The following VPS53 variants were observed in gnomAD, a reference collection of about 807,000 sequenced individuals.
VPS53 encodes the protein vacuolar protein sorting-associated protein 53 homolog.
VPS53 carries 70 observed loss-of-function variants against 107.0 expected under a neutral mutation model. The observed-to-expected ratio is 0.65, with a 90% CI of 0.54 to 0.80. The LOEUF (loss-of-function observed/expected upper bound fraction) is 0.80, where lower values mean the gene tolerates loss of function less well. Among genes scored for constraint, VPS53 ranks in the 30% least tolerant of loss-of-function variants. The probability of loss-of-function intolerance (pLI) is 0.00; values close to 1 mark genes in which losing one functional copy is unlikely to be tolerated. For synonymous variants in VPS53, 409 were observed against 393.3 expected, an observed-to-expected ratio of 1.04 and a Z score of -0.47; for missense variants, 917 against 1,049.4, an observed-to-expected ratio of 0.87 and a Z score of 1.74.
intron 10 of VPS53, among the ~76,000 whole-genome samples, chr17:624,136 G>A (rs1242062020): frequency 1.3e-5 from 2 of 152,028 alleles, no homozygotes; most frequent in African/African-American, 2.4e-5. Context: ...GGGATTATAG[G>A]TGTGAGCCAC....
rs1350349817 is a variant in VPS53, at chr17:714,776, C to A, written c.-67G>T. The A allele has an allele frequency of 1.9e-6, 3 of 1,569,860 alleles. No individual in the cohort carries two copies. Among genetic ancestry groups the A allele is most frequent in the East Asian group, 2.2e-5 (1 of 44,630 alleles). On this transcript the variant is annotated 5_prime_UTR_variant, in exon 1 of 22. Coordinates refer to ENST00000437048, the MANE Select transcript of VPS53 (RefSeq NM_001128159.3). ...CTCAGGCCTCCAGCCGCCACCCAGG[C>A]CCCAGCACAGCAACTCCCTCGCGGC...
At chr17:560,036 A>G (rs1912787043) in intron 15 of VPS53, among the ~76,000 whole-genome samples, 1 of 152,228 alleles carries the variant, frequency 6.6e-6, no homozygotes, top group Non-Finnish European at 1.5e-5. Context: ...TTAACTTAGT[A>G]ACACTTCTGA....
chr17:603,298 T>G (rs1968409412), intron 11 of VPS53, among the ~76,000 whole-genome samples: 2 of 152,188 alleles, frequency 1.3e-5, no homozygotes, highest in East Asian at 3.8e-4. Context: ...GGTAGGCGCC[T>G]GTAATCCCAG....
chr17:612,958 CACAG>C (rs1279730193), intron 11 of VPS53, among the ~76,000 whole-genome samples: 1 of 149,262 alleles, frequency 6.7e-6, no homozygotes, highest in African/African-American at 2.5e-5. Context: ...AGTGAATTCA[CACAG>C]TGAAAACCTG....
chr17:586,965 A>G (rs1427967530), intron 12 of VPS53, among the ~76,000 whole-genome samples: 1 of 152,200 alleles, frequency 6.6e-6, no homozygotes, highest in East Asian at 1.9e-4. Flanking sequence ...AAGAAAATGT[A>G]AGAAAAAGAA....
At position 510,803 on chromosome 17, in the gene VPS53, C is replaced by G. The variant is rs1907899447; in HGVS notation, c.*8325G>C. On this transcript the variant is annotated 3_prime_UTR_variant, in exon 22 of 22. Coordinates refer to ENST00000437048, the MANE Select transcript of VPS53 (RefSeq NM_001128159.3). ...CAGCCAGGGCCCAGGGCTACCCCAA[C>G]TGACCTCCACTCCCCTCAGCACCCT... 1 of 152,872 alleles carries G rather than the reference C, an allele frequency of 6.5e-6. No individual in the cohort carries two copies. The highest frequency in any genetic ancestry group is 6.5e-5 in the Admixed American group (1 of 15,284). The allele number at this position is 152,872 out of a possible 1,614,324, so 9.5% of individuals were successfully genotyped here. A position where few individuals can be genotyped will look rare whatever the true frequency, so the allele number is the denominator to read the frequency against.
intron 1 of VPS53, among the ~76,000 whole-genome samples, chr17:711,490 T>C (rs1245092243): frequency 2.0e-5 from 3 of 152,238 alleles, no homozygotes; most frequent in Middle Eastern, 3.2e-3. Context: ...TGTTTTCTTT[T>C]TAAAATGTTC....
intron 11 of VPS53, among the ~76,000 whole-genome samples, chr17:612,642 G>A (rs1968943587): frequency 6.7e-6 from 1 of 148,800 alleles, no homozygotes; most frequent in Non-Finnish European, 1.5e-5. Context: ...AGTTCACACA[G>A]CGAAAACCTG....
intron 4 of VPS53, among the ~76,000 whole-genome samples, chr17:668,717 C>T (rs950646129): frequency 6.6e-6 from 1 of 152,124 alleles, no homozygotes; most frequent in East Asian, 1.9e-4. Context: ...TCTAGACAAA[C>T]ACCCTAAAAC....
At chr17:631,649 A>T in intron 7 of VPS53, 21 bp from the exon 8 acceptor site, 1 of 1,608,142 alleles carries the variant, frequency 6.2e-7, no homozygotes, top group Non-Finnish European at 8.5e-7. Context: ...GAGAGAACAT[A>T]TCATCACCTG....
intron 4 of VPS53, among the ~76,000 whole-genome samples, chr17:667,766 C>T (rs1971758463): frequency 6.6e-6 from 1 of 152,084 alleles, no homozygotes; most frequent in Non-Finnish European, 1.5e-5. Flanking sequence ...AGCACCAGTC[C>T]GTGGCCTGTT....
intron 19 of VPS53, among the ~76,000 whole-genome samples, chr17:526,224 G>A (rs892718228): frequency 2.7e-5 from 4 of 150,870 alleles, no homozygotes; most frequent in Admixed American, 2.6e-4. Flanking sequence ...TTTGTTGGTA[G>A]GAAAAAAAAA....
rs1907815972 is a variant in VPS53, at chr17:509,628, G to T, written c.*9500C>A. ...CTCACTAGTCACGTATGGAATCCTG[G>T]CTCGCCCCTCACTGGTCACGTATCG... is the stretch of plus-strand genomic sequence containing the variant. On this transcript the variant is annotated 3_prime_UTR_variant, in exon 22 of 22. Coordinates refer to ENST00000437048, the MANE Select transcript of VPS53 (RefSeq NM_001128159.3). The T allele has an allele frequency of 1.2e-5, 2 of 171,162 alleles. No homozygotes were observed. Among genetic ancestry groups the T allele is most frequent in the Non-Finnish European group, 1.2e-5 (1 of 80,520 alleles). 10.6% of individuals were successfully genotyped at this position (171,162 alleles called of 1,614,324 possible).
intron 17 of VPS53, among the ~76,000 whole-genome samples, chr17:542,935 G>T (rs1267039402): frequency 6.8e-6 from 1 of 146,812 alleles, no homozygotes; most frequent in Non-Finnish European, 1.5e-5. Flanking sequence ...CACAAATCAC[G>T]CCACTGCACT....
At chr17:632,241 T>C (rs995608852) in intron 7 of VPS53, among the ~76,000 whole-genome samples, 2 of 152,088 alleles carry the variant, frequency 1.3e-5, no homozygotes, top group African/African-American at 4.8e-5. Flanking sequence ...GAGGGAGACC[T>C]TGGCTCTAAA....
intron 13 of VPS53, among the ~76,000 whole-genome samples, chr17:581,972 T>C (rs1402221809): frequency 6.6e-6 from 1 of 150,916 alleles, no homozygotes; most frequent in Non-Finnish European, 1.5e-5. Context: ...ACCTAATGTG[T>C]TCCCAGAGAA....
At position 508,819 on chromosome 17, in the gene VPS53, T is replaced by TA. The variant is rs1352975595; in HGVS notation, c.*10308dup. Reference sequence around the variant, plus strand: ...CAACCCAGAAGTAAACTGGGGTTGATACACACACATTTTCATCCATAACCT... The same window carrying TA: ...CAACCCAGAAGTAAACTGGGGTTGATAACACACACATTTTCATCCATAACCT... On this transcript the variant is annotated 3_prime_UTR_variant, in exon 22 of 22. Coordinates refer to ENST00000437048, the MANE Select transcript of VPS53 (RefSeq NM_001128159.3). 2 of 152,242 alleles carry TA rather than the reference T, an allele frequency of 1.3e-5. No homozygotes were observed. The highest frequency in any genetic ancestry group is 4.8e-5 in the African/African-American group (2 of 41,466). 9.4% of individuals were successfully genotyped at this position (152,242 alleles called of 1,614,324 possible). A position where few individuals can be genotyped will look rare whatever the true frequency, so the allele number is the denominator to read the frequency against.
intron 17 of VPS53, among the ~76,000 whole-genome samples, chr17:547,356 G>A (rs1911301751): frequency 6.6e-6 from 1 of 152,202 alleles, no homozygotes; most frequent in Admixed American, 6.5e-5. Context: ...AAGGAATGGA[G>A]TGCTGACACA....
At chr17:543,841 G>C (rs1201055246) in intron 17 of VPS53, among the ~76,000 whole-genome samples, 1 of 63,892 alleles carries the variant, frequency 1.6e-5, no homozygotes, top group South Asian at 7.8e-4. Context: ...GGGAGGGAGG[G>C]AGGGAGGGAA....
Sources: gnomAD v4.1 joint callset for allele counts (sites outside exome capture counted in the v4.1 genomes callset) on GRCh38, gnomAD v4.1.1 for gene constraint, MANE v1.5 for transcripts, NCBI Gene and HGNC (gene_info 2026-07-23, HGNC 2026-07-21) for gene names.